Variants in TXNDC11 observed in about 807,000 individuals in gnomAD.
TXNDC11 encodes thioredoxin domain containing 11, also known as thioredoxin domain-containing protein 11.
Under a neutral mutation model 78.0 loss-of-function variants are expected in TXNDC11, and 68 were observed. That is an observed-to-expected ratio of 0.87 (90% CI 0.72 to 1.07). TXNDC11 has a LOEUF of 1.07. TXNDC11 is among the 50% of genes least tolerant of loss of function. TXNDC11 has a pLI of 0.00. For synonymous variants in TXNDC11, 571 were observed against 495.2 expected (o/e 1.15, Z -2.03); for missense variants, 1,389 against 1,221.8 (o/e 1.14, Z -2.04).
intron 5 of TXNDC11, among the ~76,000 whole-genome samples, chr16:11,705,906 G>C (rs1040222682): frequency 6.6e-6 from 1 of 152,158 alleles, no homozygotes; most frequent in African/African-American, 2.4e-5. Context: ...TATCCAGAGT[G>C]TTTTCTGATA....
At chr16:11,726,063 A>G (rs1352412687) in intron 4 of TXNDC11, among the ~76,000 whole-genome samples, 1 of 152,090 alleles carries the variant, frequency 6.6e-6, no homozygotes, top group Non-Finnish European at 1.5e-5. Context: ...ATTTTGTTAT[A>G]GACACAGGGT....
intron 1 of TXNDC11, among the ~76,000 whole-genome samples, chr16:11,737,786 G>C (rs984997120): frequency 4.7e-5 from 7 of 149,910 alleles, no homozygotes; most frequent in Non-Finnish European, 8.9e-5. Flanking sequence ...GAATTGTGTA[G>C]GTTGCAGTGA....
At chr16:11,690,070 G>T (rs1288002387) in intron 8 of TXNDC11, 1 of 152,232 alleles carries the variant, frequency 6.6e-6, no homozygotes, top group African/African-American at 2.4e-5. Context: ...AGACTCATAT[G>T]TAGAAGCTCT....
chr16:11,740,968 T>C (rs2052373031), intron 1 of TXNDC11, among the ~76,000 whole-genome samples: 1 of 151,942 alleles, frequency 6.6e-6, no homozygotes, highest in African/African-American at 2.4e-5. Flanking sequence ...GAAGCCATTG[T>C]AGTTGTTACA....
chr16:11,691,919 C>A lies in TXNDC11; in HGVS notation c.1271G>T (p.Cys424Phe). The A allele has an allele frequency of 6.2e-7, 1 of 1,613,582 alleles. No individual in the cohort carries two copies. The highest frequency in any genetic ancestry group is 8.5e-7 in the Non-Finnish European group (1 of 1,179,482). Residue 424 changes from cysteine to phenylalanine, a missense_variant, in exon 8 of 12, where the codon TGC (cysteine) becomes TTC (phenylalanine). By Grantham distance (205) the Cys-to-Phe change is radical. Coordinates refer to ENST00000283033, the MANE Select transcript of TXNDC11 (RefSeq NM_015914.7). Reference sequence around the variant, plus strand: ...CCACTGGGGCAGCACCACAGTGTTGCAGCAGGGGGACGCTGTGATCGTTGG... The same window carrying A: ...CCACTGGGGCAGCACCACAGTGTTGAAGCAGGGGGACGCTGTGATCGTTGG... ...DPPTITASPC[C>F]NTVVLPQWHS...
chr16:11,718,515 T>TCTC (rs2051609888), intron 5 of TXNDC11, among the ~76,000 whole-genome samples: 1 of 152,126 alleles, frequency 6.6e-6, no homozygotes, highest in South Asian at 2.1e-4. Flanking sequence ...TGCATGTGTT[T>TCTC]CTCCTACCTC....
intron 6 of TXNDC11, among the ~76,000 whole-genome samples, chr16:11,698,973 A>G (rs1402402406): frequency 4.6e-5 from 7 of 152,248 alleles, no homozygotes; most frequent in Non-Finnish European, 8.8e-5. Flanking sequence ...GTTTTGCTAT[A>G]AACAACCAAT....
chr16:11,703,398 G>C (rs564610749), intron 5 of TXNDC11, among the ~76,000 whole-genome samples: 3 of 152,126 alleles, frequency 2.0e-5, no homozygotes, highest in African/African-American at 7.2e-5. Context: ...ATTACAGCCA[G>C]GACTCTCACT....
At chr16:11,697,342 G>A (rs1423389717) in intron 7 of TXNDC11, among the ~76,000 whole-genome samples, 2 of 152,182 alleles carry the variant, frequency 1.3e-5, no homozygotes, top group Admixed American at 1.3e-4. Flanking sequence ...TACACTGGCT[G>A]TCTGAAATTG....
In TXNDC11 at chr16:11,691,312, T is replaced by C. The variant is rs1045643017; in HGVS notation, c.1878A>G (p.Gln626=). Residue 626 remains glutamine, a synonymous_variant, in exon 8 of 12, where the codon CAA becomes CAG. Transcript: ENST00000283033. ...TACCTAGGGTGAGCTTCATCAGTGC[T>C]TGCTTTGGATCCAAGATGTAATGAG... ...EESHYILDPK[Q]ALMKLTLESF... is the part of the protein sequence containing the mutation. 6.8e-6 allele frequency: 11 copies of C among 1,613,728 alleles called. No individual in the cohort carries two copies. Among genetic ancestry groups the C allele is most frequent in the East Asian group, 2.2e-5 (1 of 44,902 alleles).
At chr16:11,741,284 G>A (rs1345593646) in intron 1 of TXNDC11, among the ~76,000 whole-genome samples, 1 of 152,178 alleles carries the variant, frequency 6.6e-6, no homozygotes, top group South Asian at 2.1e-4. Flanking sequence ...TAGCAATACA[G>A]ATCTTATAAA....
At chr16:11,715,060 G>A (rs2051488655) in intron 5 of TXNDC11, among the ~76,000 whole-genome samples, 1 of 152,122 alleles carries the variant, frequency 6.6e-6, no homozygotes, top group African/African-American at 2.4e-5. Flanking sequence ...AGACCAGCCT[G>A]GGCAACACAG....
At chr16:11,729,230 C>T (rs2051973126) in intron 4 of TXNDC11, among the ~76,000 whole-genome samples, 1 of 152,224 alleles carries the variant, frequency 6.6e-6, no homozygotes, top group Admixed American at 6.5e-5. Flanking sequence ...CCCCAAATCA[C>T]AAACCCAGTG....
chr16:11,685,213 G>A (rs1169865058), intron 10 of TXNDC11, among the ~76,000 whole-genome samples: 4 of 152,024 alleles, frequency 2.6e-5, no homozygotes, highest in East Asian at 1.9e-4. Flanking sequence ...AAAATTGGCC[G>A]GGTATTCTGG....
intron 5 of TXNDC11, among the ~76,000 whole-genome samples, chr16:11,713,280 CAAAAAA>C (rs60166472): frequency 1.8e-3 from 176 of 97,652 alleles, no homozygotes; most frequent in Non-Finnish European, 3.0e-3. Context: ...GACTCTGTCT[CAAAAAA>C]AAAAAAAAAG....
intron 5 of TXNDC11, among the ~76,000 whole-genome samples, chr16:11,708,562 G>C (rs1177370646): frequency 2.6e-5 from 4 of 152,178 alleles, no homozygotes; most frequent in African/African-American, 7.2e-5. Flanking sequence ...GGAGACTTCT[G>C]CATGAGCTCA....
Position 11,692,044 on chromosome 16 carries a change from C to T in TXNDC11, c.1146G>A (p.Gly382=), listed in dbSNP as rs1470590332. 1 of 1,540,874 alleles carries T rather than the reference C, an allele frequency of 6.5e-7. No homozygotes were observed. Among genetic ancestry groups the T allele is most frequent in the Non-Finnish European group, 8.7e-7 (1 of 1,144,774 alleles). ...EVALEYNNCH[G]DQVVERLLQH... is the part of the protein sequence containing the mutation. Reference sequence around the variant, plus strand: ...GAAGGAGACGCTCCACCACCTGGTCCCCATGACAGTTGTTGTACTCCAAGG... The same window carrying T: ...GAAGGAGACGCTCCACCACCTGGTCTCCATGACAGTTGTTGTACTCCAAGG... Residue 382 remains glycine, a synonymous_variant, in exon 8 of 12, where the codon GGG becomes GGA. Transcript: ENST00000283033.
chr16:11,742,789 G>C lies in TXNDC11; in HGVS notation c.-59C>G. On this transcript the variant is annotated 5_prime_UTR_variant, in exon 1 of 12. Coordinates refer to ENST00000283033, the MANE Select transcript of TXNDC11 (RefSeq NM_015914.7). Reference sequence around the variant, plus strand: ...CCGCCGCCTCGGGCCCGAAGGCCCGGCCCGGCCCGTTGCTCCCCAATCCCG... The same window carrying C: ...CCGCCGCCTCGGGCCCGAAGGCCCGCCCCGGCCCGTTGCTCCCCAATCCCG... 1 of 1,396,952 alleles carries C rather than the reference G, an allele frequency of 7.2e-7. No individual in the cohort carries two copies. The highest frequency in any genetic ancestry group is 9.2e-7 in the Non-Finnish European group (1 of 1,081,128). The allele number at this position is 1,396,952 out of a possible 1,614,324, so 86.5% of individuals were successfully genotyped here. A position where few individuals can be genotyped will look rare whatever the true frequency, so the allele number is the denominator to read the frequency against.
intron 11 of TXNDC11, among the ~76,000 whole-genome samples, chr16:11,680,476 T>G (rs2141953130): frequency 6.6e-6 from 1 of 152,184 alleles, no homozygotes. Flanking sequence ...GAGCACAGAA[T>G]AAGGAAGGAA....
Sources: allele counts gnomAD v4.1 joint callset (sites outside exome capture counted in the v4.1 genomes callset), GRCh38; gene constraint gnomAD v4.1.1; transcripts MANE v1.5; gene names NCBI Gene and HGNC (gene_info 2026-07-23, HGNC 2026-07-21).